BZW2: variants seen among roughly 807,000 people sequenced by gnomAD.
The protein encoded by BZW2 is eIF5-mimic protein 1.
In BZW2, 23 loss-of-function variants were observed where a neutral mutation model predicts 53.2. The ratio of observed to expected loss-of-function variants is 0.43; its 90% CI spans 0.31 to 0.61. The LOEUF is 0.61. Among genes scored for constraint, BZW2 ranks in the 20% least tolerant of loss-of-function variants. The pLI is 0.09. For missense variants in BZW2, 409 were observed against 503.1 expected (o/e 0.81, Z 1.79); for synonymous variants, 227 against 186.4 (o/e 1.22, Z -1.77).
intron 10 of BZW2, among the ~76,000 whole-genome samples, chr7:16,704,070 C>G (rs1783757882): frequency 1.3e-5 from 2 of 152,242 alleles, no homozygotes; most frequent in Middle Eastern, 3.4e-3. Flanking sequence ...TTATTGCATA[C>G]TATCTACATT....
At chr7:16,646,620 C>G (rs1370942692) in intron 1 of BZW2, among the ~76,000 whole-genome samples, 2 of 152,170 alleles carry the variant, frequency 1.3e-5, no homozygotes, top group Admixed American at 1.3e-4. Flanking sequence ...AGATGCGGCT[C>G]CCGGGGAGGC....
Position 16,665,501 on chromosome 7 carries a change from G to A in BZW2, c.58G>A (p.Asp20Asn). 1 of 1,612,224 alleles carries A rather than the reference G, an allele frequency of 6.2e-7. No homozygotes were observed. Among genetic ancestry groups the A allele is most frequent in the Non-Finnish European group, 8.5e-7 (1 of 1,179,966 alleles). The change falls in exon 2 of 12, where the codon GAT becomes AAT. Residue 20 changes from aspartate (D) to asparagine (N), a missense_variant and splice_region_variant. Around this residue, in one of 3 missense-constraint regions of BZW2, gnomAD observed 316 missense variants for 366.8 expected, o/e 0.86. Transcript: ENST00000258761. The part of the protein sequence containing the change: ...TGQRFKTRKR[D>N]EKEKFEPTVF... ...CCAGCGGTTCAAAACTCGGAAAAGG[G>A]GTAGGTTGTGTGTGTGTGTGTGTGT...
intron 1 of BZW2, among the ~76,000 whole-genome samples, chr7:16,662,428 A>G (rs1464265491): frequency 6.6e-6 from 1 of 152,156 alleles, no homozygotes; most frequent in Non-Finnish European, 1.5e-5. Flanking sequence ...GAAAGGAAGT[A>G]AGTATAAAAG....
intron 1 of BZW2, among the ~76,000 whole-genome samples, chr7:16,660,897 G>A (rs1562477783): frequency 6.6e-6 from 1 of 152,064 alleles, no homozygotes. Flanking sequence ...TTAATATGAA[G>A]TTTTACTGGA....
chr7:16,653,799 C>G (rs537381147), intron 1 of BZW2, among the ~76,000 whole-genome samples: 29 of 152,102 alleles, frequency 1.9e-4, no homozygotes, highest in Middle Eastern at 3.4e-3. Flanking sequence ...ATTATCATCT[C>G]CATGGAGTGG....
intron 1 of BZW2, among the ~76,000 whole-genome samples, chr7:16,647,498 T>C (rs1217545657): frequency 3.9e-5 from 6 of 152,228 alleles, no homozygotes; most frequent in African/African-American, 1.4e-4. Flanking sequence ...CAAAAATCTT[T>C]CCTAAACTCC....
intron 1 of BZW2, among the ~76,000 whole-genome samples, chr7:16,656,985 G>A (rs1782141121): frequency 6.6e-6 from 1 of 152,080 alleles, no homozygotes. Context: ...CAGGATCATA[G>A]TGAATCTCCC....
At chr7:16,656,947 C>T (rs1349071789) in intron 1 of BZW2, among the ~76,000 whole-genome samples, 1 of 152,006 alleles carries the variant, frequency 6.6e-6, no homozygotes, top group South Asian at 2.1e-4. Context: ...TTTTTAGACA[C>T]TTTTGAATTT....
intron 2 of BZW2, among the ~76,000 whole-genome samples, chr7:16,666,389 T>TTTTATTTATTTATTTATTTATTTATTTA (rs79317366): frequency 1.4e-5 from 2 of 145,926 alleles, no homozygotes; most frequent in South Asian, 2.2e-4. Flanking sequence ...TATAAAAGAC[T>TTTTATTTATTTATTTATTTATTTATTTA]TTTATTTATT....
chr7:16,677,929 C>T (rs574125580), intron 3 of BZW2, among the ~76,000 whole-genome samples: 7 of 152,128 alleles, frequency 4.6e-5, no homozygotes, highest in South Asian at 2.1e-4. Context: ...TAGGGCCAAA[C>T]GTTTTGGTAT....
chr7:16,664,854 A>G (rs1782373188), intron 1 of BZW2, among the ~76,000 whole-genome samples: 5 of 152,158 alleles, frequency 3.3e-5, no homozygotes, highest in Admixed American at 1.3e-4. Context: ...GTAAATGTTT[A>G]TAGTAAATAC....
chr7:16,681,212 T>C, intron 3 of BZW2, 89 bp from the exon 4 acceptor site: 2 of 1,028,022 alleles, frequency 1.9e-6, no homozygotes, highest in Non-Finnish European at 2.9e-6. Flanking sequence ...CTTTGATTAT[T>C]TTCTTTCATT....
chr7:16,661,722 T>A (rs1212593009), intron 1 of BZW2, among the ~76,000 whole-genome samples: 1 of 152,138 alleles, frequency 6.6e-6, no homozygotes, highest in African/African-American at 2.4e-5. Context: ...TGTGAAATAC[T>A]TAAGTCCATT....
At chr7:16,698,477 T>C (rs1379155827) in intron 10 of BZW2, among the ~76,000 whole-genome samples, 1 of 152,226 alleles carries the variant, frequency 6.6e-6, no homozygotes, top group Admixed American at 6.5e-5. Context: ...TTATATAAAA[T>C]TGAGCCTGTT....
intron 1 of BZW2, among the ~76,000 whole-genome samples, chr7:16,657,096 A>T (rs1299924370): frequency 6.6e-6 from 1 of 152,214 alleles, no homozygotes; most frequent in African/African-American, 2.4e-5. Flanking sequence ...TTATGCAAAA[A>T]TGTTATTATT....
intron 1 of BZW2, among the ~76,000 whole-genome samples, chr7:16,648,447 C>T (rs1213363461): frequency 1.3e-5 from 2 of 152,204 alleles, no homozygotes; most frequent in Non-Finnish European, 2.9e-5. Flanking sequence ...ATAATGATTT[C>T]TGAAATGTTT....
intron 1 of BZW2, among the ~76,000 whole-genome samples, chr7:16,646,727 C>G (rs1781874248): frequency 6.6e-6 from 1 of 152,230 alleles, no homozygotes; most frequent in Non-Finnish European, 1.5e-5. Flanking sequence ...AGTTTTTACG[C>G]TGGTGATCCT....
intron 3 of BZW2, among the ~76,000 whole-genome samples, chr7:16,679,499 C>T (rs1054483652): frequency 6.6e-6 from 1 of 152,206 alleles, no homozygotes; most frequent in African/African-American, 2.4e-5. Context: ...AACTAATTTA[C>T]TTACTAAACT....
chr7:16,694,195 T>C (rs1236616683), intron 7 of BZW2, among the ~76,000 whole-genome samples: 3 of 152,236 alleles, frequency 2.0e-5, no homozygotes, highest in Non-Finnish European at 4.4e-5. Context: ...TATATTGCTC[T>C]TTTTGAAAAT....
Sources: gnomAD v4.1 joint callset for allele counts (sites outside exome capture counted in the v4.1 genomes callset) on GRCh38, gnomAD v4.1.1 for gene constraint, gnomAD v4.1.1 regional missense constraint, MANE v1.5 for transcripts, NCBI Gene and HGNC (gene_info 2026-07-23, HGNC 2026-07-21) for gene names.